CERS6: variants seen among roughly 807,000 people sequenced by gnomAD.
The protein encoded by CERS6 is ceramide synthase 6, also known as LAG1 homolog, ceramide synthase 6.
A neutral mutation model predicts 56.8 loss-of-function variants in CERS6; 26 were observed. The observed-to-expected ratio is 0.46, with a 90% CI of 0.34 to 0.63. The LOEUF (loss-of-function observed/expected upper bound fraction) is 0.63, where lower values mean the gene tolerates loss of function less well. Ranked by LOEUF, CERS6 falls within the 30% of genes least tolerant of loss-of-function variation. CERS6 has a pLI of 0.01. For synonymous variants in CERS6, 164 were observed against 173.3 expected, an observed-to-expected ratio of 0.95 and a Z score of 0.42; for missense variants, 415 against 467.5, an observed-to-expected ratio of 0.89 and a Z score of 1.04.
chr2:168,760,060 A>G (rs748697237), intron 8 of CERS6, among the ~76,000 whole-genome samples: 4 of 152,184 alleles, frequency 2.6e-5, no homozygotes, highest in Non-Finnish European at 4.4e-5. Context: ...CACCCAGATC[A>G]AGATACAGAA....
intron 4 of CERS6, among the ~76,000 whole-genome samples, chr2:168,673,611 C>G (rs528064426): frequency 6.6e-6 from 1 of 152,290 alleles, no homozygotes; most frequent in East Asian, 1.9e-4. Flanking sequence ...GGAGAATTGG[C>G]TTACTCAGTG....
intron 9 of CERS6, among the ~76,000 whole-genome samples, chr2:168,768,924 AAAAG>A (rs1306186336): frequency 3.0e-4 from 44 of 148,608 alleles, no homozygotes; most frequent in African/African-American, 1.1e-3. Context: ...AAAAAAAAAG[AAAAG>A]AAAAAAAAAA....
At chr2:168,505,382 C>CAAAAAAAAAAAAAAAAAA (rs370477008) in intron 1 of CERS6, among the ~76,000 whole-genome samples, 5 of 96,374 alleles carry the variant, frequency 5.2e-5, no homozygotes, top group South Asian at 4.3e-4. Flanking sequence ...ACCCTGTTTC[C>CAAAAAAAAAAAAAAAAAA]AAAAAAAAAA....
chr2:168,551,879 C>T (rs552686791), intron 2 of CERS6, among the ~76,000 whole-genome samples: 12 of 152,268 alleles, frequency 7.9e-5, no homozygotes, highest in African/African-American at 2.9e-4. Context: ...TGGTTATATT[C>T]AGAATTATCT....
chr2:168,722,595 G>A (rs1356415208), intron 8 of CERS6, among the ~76,000 whole-genome samples: 1 of 152,148 alleles, frequency 6.6e-6, no homozygotes, highest in Non-Finnish European at 1.5e-5. Flanking sequence ...ACTTGTGTTT[G>A]TCACATTCCT....
intron 6 of CERS6, among the ~76,000 whole-genome samples, chr2:168,701,054 GC>G (rs1686793411): frequency 1.3e-5 from 2 of 152,212 alleles, no homozygotes; most frequent in East Asian, 3.9e-4. Context: ...ACTCTCTAGG[GC>G]TCCCACTTCT....
intron 1 of CERS6, among the ~76,000 whole-genome samples, chr2:168,528,714 C>G (rs1695113485): frequency 6.6e-6 from 1 of 151,954 alleles, no homozygotes; most frequent in African/African-American, 2.4e-5. Context: ...GGGAAACAAA[C>G]AGACAAACAA....
At chr2:168,485,556 T>C (rs1247899502) in intron 1 of CERS6, among the ~76,000 whole-genome samples, 1 of 152,184 alleles carries the variant, frequency 6.6e-6, no homozygotes, top group Non-Finnish European at 1.5e-5. Flanking sequence ...ACCATATCTA[T>C]GGTTTTGTCT....
At chr2:168,468,545 G>A (rs1693922880) in intron 1 of CERS6, among the ~76,000 whole-genome samples, 2 of 152,300 alleles carry the variant, frequency 1.3e-5, no homozygotes, top group South Asian at 4.1e-4. Context: ...TATTTGCATT[G>A]TGTTTAGGGC....
intron 8 of CERS6, among the ~76,000 whole-genome samples, chr2:168,743,170 ATGTG>A (rs992785174): frequency 6.7e-6 from 1 of 149,256 alleles, no homozygotes; most frequent in Non-Finnish European, 1.5e-5. Flanking sequence ...ATATGTATGT[ATGTG>A]TGTGTGTATG....
chr2:168,493,856 CAATA>C (rs142234299), intron 1 of CERS6, among the ~76,000 whole-genome samples: 11,645 of 149,902 alleles, frequency 0.078, 499 homozygotes, highest in East Asian at 0.18. Context: ...ATTAATATAT[CAATA>C]TATTATATAT....
Position 168,515,869 on chromosome 2 carries a change from CTT to C in CERS6, c.171-31722_171-31721del, listed in dbSNP as rs373379747. Among the ~76,000 whole-genome samples the C allele has an allele frequency of 1.5e-3, 235 of 152,280 alleles. 8 individuals carry two copies. In the East Asian group the frequency reaches 0.04, roughly 26 times the overall value. Reference sequence around the variant, plus strand: ...CTTTCTGGGATCCTATCTCTGGTGACTTTTTTGAGAAGCACCAGCTCATGGAG... The same window carrying C: ...CTTTCTGGGATCCTATCTCTGGTGACTTTTGAGAAGCACCAGCTCATGGAG... On this transcript the variant is annotated intron_variant, in intron 1 of 9. Coordinates refer to ENST00000305747, the MANE Select transcript of CERS6 (RefSeq NM_203463.3).
chr2:168,512,669 C>CTTTTT (rs35756766), intron 1 of CERS6, among the ~76,000 whole-genome samples: 10 of 131,030 alleles, frequency 7.6e-5, no homozygotes, highest in African/African-American at 2.2e-4. Flanking sequence ...ATTTTCTTTT[C>CTTTTT]TTTTTTTTTT....
At chr2:168,717,305 T>A (rs1687248290) in intron 7 of CERS6, among the ~76,000 whole-genome samples, 1 of 152,178 alleles carries the variant, frequency 6.6e-6, no homozygotes, top group Non-Finnish European at 1.5e-5. Context: ...TCTTCATTTC[T>A]AAGTTCATGA....
At chr2:168,610,230 G>A (rs1264509459) in intron 3 of CERS6, among the ~76,000 whole-genome samples, 8 of 152,188 alleles carry the variant, frequency 5.3e-5, no homozygotes, top group Non-Finnish European at 7.4e-5. Context: ...ACCCACCTCG[G>A]CCTCCCAAAG....
intron 8 of CERS6, among the ~76,000 whole-genome samples, chr2:168,743,244 G>GTT (rs1559076537): frequency 6.6e-6 from 1 of 150,928 alleles, no homozygotes; most frequent in Non-Finnish European, 1.5e-5. Flanking sequence ...ATGTGTGTGT[G>GTT]TATATATATA....
In CERS6 at chr2:168,695,090, A is replaced by G. The variant is rs755909025; in HGVS notation, c.609+39A>G. 6.4e-5 allele frequency: 96 copies of G among 1,502,488 alleles called. No homozygotes were observed. The Admixed American group carries it at 7.2e-4, about 11-fold the overall frequency. 93.1% of individuals were successfully genotyped at this position (1,502,488 alleles called of 1,614,324 possible). A position where few individuals can be genotyped will look rare whatever the true frequency, so the allele number is the denominator to read the frequency against. On this transcript the variant is annotated intron_variant, in intron 6 of 9. Transcript: ENST00000305747. ...TGTCGTAAAGTGCTTGCAAGCATGC[A>G]TCTTTAATGGCCCTTAGCAGGTGGG... is the stretch of plus-strand genomic sequence containing the variant.
At chr2:168,486,520 TTTTG>T (rs767465872) in intron 1 of CERS6, among the ~76,000 whole-genome samples, 8 of 140,486 alleles carry the variant, frequency 5.7e-5, no homozygotes, top group African/African-American at 1.7e-4. Context: ...CTAGATTTGG[TTTTG>T]TTTTTTTTTT....
At chr2:168,493,000 A>G (rs1384341043) in intron 1 of CERS6, among the ~76,000 whole-genome samples, 1 of 152,130 alleles carries the variant, frequency 6.6e-6, no homozygotes. Context: ...GGGATCCATT[A>G]GTACTATTAC....
Sources: allele counts gnomAD v4.1 joint callset (sites outside exome capture counted in the v4.1 genomes callset), GRCh38; gene constraint gnomAD v4.1.1; transcripts MANE v1.5; gene names NCBI Gene and HGNC (gene_info 2026-07-23, HGNC 2026-07-21).